The following TFDP2 variants were observed in gnomAD, a reference collection of about 807,000 sequenced individuals.
TFDP2 encodes the protein transcription factor Dp-2.
Under a neutral mutation model 59.3 loss-of-function variants are expected in TFDP2, and 17 were observed. The ratio of observed to expected loss-of-function variants is 0.29; its 90% CI spans 0.20 to 0.43. TFDP2 has a LOEUF of 0.43. Among genes scored for constraint, TFDP2 ranks in the 20% least tolerant of loss-of-function variants. TFDP2 has a pLI of 1.00. For missense variants in TFDP2, 391 were observed against 528.8 expected, an observed-to-expected ratio of 0.74 and a Z score of 2.56; for synonymous variants, 180 against 194.7, an observed-to-expected ratio of 0.92 and a Z score of 0.63.
chr3:142,025,541 TCA>T (rs1398663029), intron 3 of TFDP2, among the ~76,000 whole-genome samples: 1 of 152,248 alleles, frequency 6.6e-6, no homozygotes, highest in Non-Finnish European at 1.5e-5. Context: ...TATGATGCTG[TCA>T]CAGTTATGTA....
intron 1 of TFDP2, among the ~76,000 whole-genome samples, chr3:142,116,733 T>C (rs2061864039): frequency 6.6e-6 from 1 of 152,242 alleles, no homozygotes; most frequent in African/African-American, 2.4e-5. Context: ...CTCTGTTTCC[T>C]TTTTGCTGTT....
intron 1 of TFDP2, among the ~76,000 whole-genome samples, chr3:142,124,516 T>C (rs547325331): frequency 9.2e-5 from 14 of 152,294 alleles, no homozygotes; most frequent in Non-Finnish European, 1.6e-4. Context: ...AGTAATCATA[T>C]AGAAAAAATT....
chr3:142,133,478 T>C (rs1464031094), intron 1 of TFDP2, among the ~76,000 whole-genome samples: 3 of 149,978 alleles, frequency 2.0e-5, no homozygotes, highest in African/African-American at 7.6e-5. Context: ...AGTGCTGGGA[T>C]TATAGGCATG....
intron 3 of TFDP2, among the ~76,000 whole-genome samples, chr3:142,031,843 G>A (rs1450673291): frequency 6.6e-6 from 1 of 152,128 alleles, no homozygotes; most frequent in Non-Finnish European, 1.5e-5. Flanking sequence ...AATGATGGCA[G>A]GCATTGGCCA....
At chr3:142,023,391 A>G (rs1945819590) in intron 3 of TFDP2, among the ~76,000 whole-genome samples, 1 of 150,314 alleles carries the variant, frequency 6.7e-6, no homozygotes, top group Non-Finnish European at 1.5e-5. Context: ...GGGTTTCGCC[A>G]TGTTGTCCAG....
rs2063296671 is a variant in TFDP2 at position 142,149,170 on chromosome 3, C to A, written c.-93+13G>T. 2.5e-6 allele frequency: 1 copy of A among 397,838 alleles called. No individual in the cohort carries two copies. The highest frequency in any genetic ancestry group is 3.6e-5 in the East Asian group (1 of 28,020). 24.6% of individuals were successfully genotyped at this position (397,838 alleles called of 1,614,324 possible). ...CTCCGCGCGCGGGCCCGCGCCCTCGCCCCAGACCTTACCGCCTTCGGCTGC... is the reference window on the plus strand; with the variant it reads ...CTCCGCGCGCGGGCCCGCGCCCTCGACCCAGACCTTACCGCCTTCGGCTGC... On this transcript the variant is annotated intron_variant, in intron 1 of 12. Coordinates refer to ENST00000489671, the MANE Select transcript of TFDP2 (RefSeq NM_001178139.2).
rs1038094675 is a variant in TFDP2 at position 142,014,318 on chromosome 3, A to T, written c.83-8774T>A. Among the ~76,000 whole-genome samples the T allele has an allele frequency of 9.9e-5, 15 of 151,366 alleles. No individual in the cohort carries two copies. In the East Asian group the frequency reaches 2.1e-3, roughly 22 times the overall value. On this transcript the variant is annotated intron_variant, in intron 3 of 12. Transcript: ENST00000489671. ...CCACCATGCCCAGGTATTTTTTTTT[A>T]TTTTTATTTTTTGTAGGGAGGGGGT...
At chr3:142,136,492 G>A (rs1403140273) in intron 1 of TFDP2, among the ~76,000 whole-genome samples, 1 of 152,016 alleles carries the variant, frequency 6.6e-6, no homozygotes, top group African/African-American at 2.4e-5. Context: ...TGAAGTCCTT[G>A]CCCATGCCTA....
At chr3:142,047,099 T>C (rs1947378156) in intron 3 of TFDP2, among the ~76,000 whole-genome samples, 1 of 152,202 alleles carries the variant, frequency 6.6e-6, no homozygotes. Flanking sequence ...AAAGTGGCAT[T>C]TTCTCTCAAG....
At chr3:141,954,226 C>T (rs1936281608) in intron 11 of TFDP2, among the ~76,000 whole-genome samples, 1 of 152,134 alleles carries the variant, frequency 6.6e-6, no homozygotes, top group Non-Finnish European at 1.5e-5. Flanking sequence ...CTTTTCTATA[C>T]ATATACCACA....
chr3:142,103,934 A>C (rs1349358502), intron 1 of TFDP2, among the ~76,000 whole-genome samples: 1 of 152,010 alleles, frequency 6.6e-6, no homozygotes, highest in Admixed American at 6.6e-5. Flanking sequence ...GTTTTGTTAC[A>C]TAGGTATACA....
intron 1 of TFDP2, among the ~76,000 whole-genome samples, chr3:142,116,064 C>CTT (rs200540799): frequency 1.3e-4 from 19 of 144,678 alleles, no homozygotes; most frequent in Admixed American, 5.6e-4. Flanking sequence ...CATTTTGCAA[C>CTT]TTTTTTTTTT....
intron 11 of TFDP2, among the ~76,000 whole-genome samples, chr3:141,956,660 A>C (rs1013422251): frequency 2.6e-5 from 4 of 152,066 alleles, no homozygotes; most frequent in African/African-American, 9.7e-5. Context: ...AATGCAAATC[A>C]AAATCACAGT....
In TFDP2 at chr3:141,952,168, T is replaced by C; in HGVS notation, c.*345A>G. On this transcript the variant is annotated 3_prime_UTR_variant, in exon 13 of 13. Transcript: ENST00000489671. ...CGTGTAGCAATCTCAATTCTAAGAA[T>C]AATTACATGGGTGTGAGGAACACAA... The C allele has an allele frequency of 5.6e-6, 1 of 178,712 alleles. No homozygotes were observed. 11.1% of individuals were successfully genotyped at this position (178,712 alleles called of 1,614,324 possible).
chr3:142,092,531 C>T (rs978489986), intron 3 of TFDP2, among the ~76,000 whole-genome samples: 1 of 152,056 alleles, frequency 6.6e-6, no homozygotes, highest in African/African-American at 2.4e-5. Flanking sequence ...GTTACCCAGG[C>T]TGGTCTCAAA....
At chr3:142,096,722 A>G (rs2108631515) in intron 2 of TFDP2, among the ~76,000 whole-genome samples, 1 of 152,298 alleles carries the variant, frequency 6.6e-6, no homozygotes, top group Non-Finnish European at 1.5e-5. Flanking sequence ...AATTTCATTG[A>G]TATTCAACAT....
At chr3:142,066,163 T>C (rs1220526082) in intron 3 of TFDP2, among the ~76,000 whole-genome samples, 1 of 152,204 alleles carries the variant, frequency 6.6e-6, no homozygotes, top group Non-Finnish European at 1.5e-5. Flanking sequence ...ACTCTCTCAG[T>C]AGAACTCTGA....
intron 2 of TFDP2, among the ~76,000 whole-genome samples, chr3:142,093,572 G>A (rs961831852): frequency 5.3e-5 from 8 of 152,192 alleles, no homozygotes; most frequent in Admixed American, 5.2e-4. Context: ...TTGAAAGCAA[G>A]TAAGTAATGT....
chr3:142,111,646 T>C (rs557278391), intron 1 of TFDP2, among the ~76,000 whole-genome samples: 2 of 152,008 alleles, frequency 1.3e-5, no homozygotes, highest in Non-Finnish European at 2.9e-5. Flanking sequence ...AAGAAAAGCA[T>C]GTGGGAGGTT....
Sources: allele counts gnomAD v4.1 joint callset (sites outside exome capture counted in the v4.1 genomes callset), GRCh38; gene constraint gnomAD v4.1.1; transcripts MANE v1.5; gene names NCBI Gene and HGNC (gene_info 2026-07-23, HGNC 2026-07-21).